KIRREL3: variants seen among roughly 807,000 people sequenced by gnomAD.
The protein encoded by KIRREL3 is kirre like nephrin family adhesion molecule 3, also known as kin of IRRE-like protein 3.
KIRREL3 carries 36 observed loss-of-function variants against 89.7 expected under a neutral mutation model. The ratio of observed to expected loss-of-function variants is 0.40; its 90% CI spans 0.31 to 0.53. The LOEUF (loss-of-function observed/expected upper bound fraction) is 0.53. KIRREL3 is among the 20% of genes least tolerant of loss of function. The probability of loss-of-function intolerance (pLI) is 0.49; values close to 1 mark genes in which losing one functional copy is unlikely to be tolerated. For synonymous variants in KIRREL3, 445 were observed against 441.4 expected (o/e 1.01, Z -0.10); for missense variants, 864 against 1,056.6 (o/e 0.82, Z 2.53).
intron 1 of KIRREL3, among the ~76,000 whole-genome samples, chr11:126,671,623 T>G (rs1945954055): frequency 6.6e-6 from 1 of 152,120 alleles, no homozygotes; most frequent in South Asian, 2.1e-4. Context: ...GGGCAAGAGA[T>G]CTGAACAGAC....
intron 1 of KIRREL3, among the ~76,000 whole-genome samples, chr11:126,759,453 A>T (rs1017312415): frequency 1.6e-4 from 24 of 152,204 alleles, no homozygotes; most frequent in Non-Finnish European, 2.8e-4. Flanking sequence ...AATGCATGTC[A>T]TATATTAGAA....
rs1033067392 is a variant in KIRREL3 at position 126,492,580 on chromosome 11, C to G, written c.434-19114G>C. ...GAGGGATGAGGCTGCCAATTGCCAC[C>G]GCCACACAGCAAGCGTCACCTCAGC... On this transcript the variant is annotated intron_variant, in intron 4 of 16. Transcript: ENST00000525144. The surrounding 1 kb of genome is among the most constrained non-coding windows in gnomAD (Gnocchi z 4.8). 6.6e-6 allele frequency among the ~76,000 whole-genome samples: 1 copy of G among 152,146 alleles called. No homozygotes were observed. Among genetic ancestry groups the G allele is most frequent in the Admixed American group, 6.5e-5 (1 of 15,278 alleles).
At chr11:126,672,703 G>A (rs1181477303) in intron 1 of KIRREL3, among the ~76,000 whole-genome samples, 1 of 152,152 alleles carries the variant, frequency 6.6e-6, no homozygotes, top group Non-Finnish European at 1.5e-5. Context: ...GGAGCTGGGA[G>A]GATACAAAGA....
chr11:126,883,789 G>A lies in KIRREL3; in HGVS notation c.55+116666C>T, dbSNP rs1312148765. ...AAAGCTACTAAAAAAATGCTTGTTT[G>A]AAATTAAAGATCCAATGTTAGAAAG... On this transcript the variant is annotated intron_variant, in intron 1 of 16. Transcript: ENST00000525144. The surrounding 1 kb of genome is among the most constrained non-coding windows in gnomAD (Gnocchi z 4.1). Among the ~76,000 whole-genome samples the A allele has an allele frequency of 6.6e-6, 1 of 152,096 alleles. No individual in the cohort carries two copies. The highest frequency in any genetic ancestry group is 1.5e-5 in the Non-Finnish European group (1 of 68,010).
At chr11:126,998,954 T>C (rs11220696) in intron 1 of KIRREL3, among the ~76,000 whole-genome samples, 2 of 134,446 alleles carry the variant, frequency 1.5e-5, no homozygotes, top group African/African-American at 5.7e-5. Context: ...TGTGTGTGTG[T>C]GTGCTCATAA....
Position 126,650,613 on chromosome 11 carries a change from C to T in KIRREL3, c.56-87701G>A, listed in dbSNP as rs193141703. Among the ~76,000 whole-genome samples, 14 of 152,326 alleles carry T rather than the reference C, an allele frequency of 9.2e-5. No individual in the cohort carries two copies. In the East Asian group the frequency reaches 2.3e-3, roughly 25 times the overall value. ...ACAAGTTCCTTATCTCCATCTGAGA[C>T]AACCTCAGCCTGGACCTTATTGTCC... On this transcript the variant is annotated intron_variant, in intron 1 of 16. Transcript: ENST00000525144.
chr11:126,548,902 C>T (rs1939032570), intron 2 of KIRREL3, among the ~76,000 whole-genome samples: 1 of 152,142 alleles, frequency 6.6e-6, no homozygotes, highest in African/African-American at 2.4e-5. Context: ...TGGAAGCATC[C>T]ACAGCCACAC....
At chr11:126,626,768 A>G (rs1220900985) in intron 1 of KIRREL3, among the ~76,000 whole-genome samples, 1 of 152,300 alleles carries the variant, frequency 6.6e-6, no homozygotes, top group Non-Finnish European at 1.5e-5. Flanking sequence ...CGAGGCGGGC[A>G]GATCGCCTGA....
Position 126,424,714 on chromosome 11 carries a change from C to T in KIRREL3, c.2203G>A (p.Gly735Ser), listed in dbSNP as rs779751188. 18 of 1,613,896 alleles carry T rather than the reference C, an allele frequency of 1.1e-5. No homozygotes were observed. The highest frequency in any genetic ancestry group is 6.7e-5 in the Admixed American group (4 of 60,002). The change falls in exon 17 of 17, where the codon GGC becomes AGC. Residue 735 changes from glycine to serine, a missense_variant. Physicochemically the swap from Gly to Ser is moderately conservative, Grantham distance 56. Transcript: ENST00000525144. ...AACTGCACATAGCCATCCTGCTTGC[C>T]GCTGCTGCTGACGCTGCTGTCACAC... ...TQCDSSVSSS[G>S]KQDGYVQFDK...
chr11:126,492,707 G>T lies in KIRREL3; in HGVS notation c.434-19241C>A, dbSNP rs561144449. ...TTTCTTCCAAGCAGTTCATGCCTCAGTGACTGTTAATGGTGAAATATCAAG... is the reference window on the plus strand; with the variant it reads ...TTTCTTCCAAGCAGTTCATGCCTCATTGACTGTTAATGGTGAAATATCAAG... On this transcript the variant is annotated intron_variant, in intron 4 of 16. Coordinates refer to ENST00000525144, the MANE Select transcript of KIRREL3 (RefSeq NM_032531.4). This position sits in a 1 kb window ranked among gnomAD's most constrained non-coding sequence, Gnocchi z 4.8. 1.3e-5 allele frequency among the ~76,000 whole-genome samples: 2 copies of T among 152,322 alleles called. No homozygotes were observed. The highest frequency in any genetic ancestry group is 4.1e-4 in the South Asian group (2 of 4,824).
Position 126,463,045 on chromosome 11 carries a change from G to A in KIRREL3, c.742+112C>T, listed in dbSNP as rs1400903294. 5 of 1,029,572 alleles carry A rather than the reference G, an allele frequency of 4.9e-6. No homozygotes were observed. The highest frequency in any genetic ancestry group is 7.2e-6 in the Non-Finnish European group (5 of 692,290). The allele number at this position is 1,029,572 out of a possible 1,614,324, so 63.8% of individuals were successfully genotyped here. A position where few individuals can be genotyped will look rare whatever the true frequency, so the allele number is the denominator to read the frequency against. On this transcript the variant is annotated intron_variant, in intron 6 of 16. Coordinates refer to ENST00000525144, the MANE Select transcript of KIRREL3 (RefSeq NM_032531.4). The surrounding 1 kb of genome is among the most constrained non-coding windows in gnomAD (Gnocchi z 5.9). ...GTATCTACAAGCTGGCCAATCCACA[G>A]AGCTGCCTGACCCATTTCCTGCTAT...
Position 126,526,196 on chromosome 11 carries a change from A to C in KIRREL3, c.283+342T>G, listed in dbSNP as rs532850709. 6.6e-6 allele frequency among the ~76,000 whole-genome samples: 1 copy of C among 152,216 alleles called. No homozygotes were observed. Among genetic ancestry groups the C allele is most frequent in the Non-Finnish European group, 1.5e-5 (1 of 68,040 alleles). Reference sequence around the variant, plus strand: ...TTGTGCCTTAATAAATGGGGGATACATCTTGGGCCAAGACACAGGAACACT... The same window carrying C: ...TTGTGCCTTAATAAATGGGGGATACCTCTTGGGCCAAGACACAGGAACACT... On this transcript the variant is annotated intron_variant, in intron 3 of 16. Transcript: ENST00000525144. This position sits in a 1 kb window ranked among gnomAD's most constrained non-coding sequence, Gnocchi z 5.7.
At chr11:126,540,845 C>G (rs952748612) in intron 2 of KIRREL3, among the ~76,000 whole-genome samples, 2 of 152,196 alleles carry the variant, frequency 1.3e-5, no homozygotes, top group African/African-American at 4.8e-5. Context: ...GGTCTCAGGC[C>G]TGTTGCTGGC....
chr11:126,634,840 C>T (rs1330670136), intron 1 of KIRREL3, among the ~76,000 whole-genome samples: 16 of 152,174 alleles, frequency 1.1e-4, no homozygotes. Context: ...CTCTCGGAGG[C>T]CCTTGCTGGT....
intron 1 of KIRREL3, among the ~76,000 whole-genome samples, chr11:126,693,597 G>A (rs1363468211): frequency 7.7e-6 from 1 of 130,498 alleles, no homozygotes; most frequent in Admixed American, 8.2e-5. Context: ...ATGCATGTGA[G>A]TGCCTGTGAC....
At position 126,610,159 on chromosome 11, in the gene KIRREL3, C is replaced by T. The variant is rs370304935; in HGVS notation, c.56-47247G>A. Among the ~76,000 whole-genome samples, 26 of 152,152 alleles carry T rather than the reference C, an allele frequency of 1.7e-4. No individual in the cohort carries two copies. In the East Asian group the frequency reaches 4.1e-3, roughly 24 times the overall value. On this transcript the variant is annotated intron_variant, in intron 1 of 16. Coordinates refer to ENST00000525144, the MANE Select transcript of KIRREL3 (RefSeq NM_032531.4). The surrounding 1 kb of genome is among the most constrained non-coding windows in gnomAD (Gnocchi z 4.6). ...AGACTGGAGTGCAGCAGCAAGATCTCGGCTCACTGCAACCTTCGCCTCCCA... is the reference window on the plus strand; with the variant it reads ...AGACTGGAGTGCAGCAGCAAGATCTTGGCTCACTGCAACCTTCGCCTCCCA...
rs1241075399 is a variant in KIRREL3 at position 126,430,099 on chromosome 11, C to T, written c.1697-811G>A. ...GCTGCGGTAAGCCGAGATTGTGCCA[C>T]TGCACTCCAGCCTGGGCAACAGGAT... On this transcript the variant is annotated intron_variant, in intron 14 of 16. Coordinates refer to ENST00000525144, the MANE Select transcript of KIRREL3 (RefSeq NM_032531.4). The surrounding 1 kb of genome is among the most constrained non-coding windows in gnomAD (Gnocchi z 6.6). Among the ~76,000 whole-genome samples the T allele has an allele frequency of 6.6e-6, 1 of 150,846 alleles. No individual in the cohort carries two copies. The highest frequency in any genetic ancestry group is 2.5e-5 in the African/African-American group (1 of 40,696).
chr11:126,910,646 G>A (rs985225297), intron 1 of KIRREL3, among the ~76,000 whole-genome samples: 2 of 152,174 alleles, frequency 1.3e-5, no homozygotes, highest in Admixed American at 6.5e-5. Context: ...TGAGGAAATC[G>A]GGCAAGTTTC....
chr11:126,923,129 CTCTTCTTCTT>C (rs1947436935), intron 1 of KIRREL3, among the ~76,000 whole-genome samples: 10 of 25,736 alleles, frequency 3.9e-4, no homozygotes, highest in African/African-American at 1.4e-3. Context: ...TCTCCTTCTT[CTCTTCTTCTT>C]CTTCTTCTTC....
Sources: gnomAD v4.1 joint callset for allele counts (sites outside exome capture counted in the v4.1 genomes callset) on GRCh38, gnomAD v4.1.1 for gene constraint, Gnocchi (gnomAD v3.1) non-coding constraint, MANE v1.5 for transcripts, NCBI Gene and HGNC (gene_info 2026-07-23, HGNC 2026-07-21) for gene names.